The following NT5DC1 variants were observed in gnomAD, a reference collection of about 807,000 sequenced individuals.
The protein encoded by NT5DC1 is 5'-nucleotidase domain-containing protein 1.
Under a neutral mutation model 59.4 loss-of-function variants are expected in NT5DC1, and 42 were observed. The ratio of observed to expected loss-of-function variants is 0.71; its 90% CI spans 0.55 to 0.92. The LOEUF is 0.92. Among genes scored for constraint, NT5DC1 ranks in the 40% least tolerant of loss-of-function variants. The pLI, the probability that NT5DC1 is intolerant of heterozygous loss-of-function variation, is 0.00. For missense variants in NT5DC1, 501 were observed against 537.1 expected (o/e 0.93, Z 0.66); for synonymous variants, 172 against 188.1 (o/e 0.91, Z 0.70).
intron 2 of NT5DC1, 53 bp downstream of exon 2, chr6:116,106,388 A>G (rs1414001330): frequency 1.3e-6 from 1 of 791,444 alleles, no homozygotes; most frequent in Non-Finnish European, 2.1e-6. Context: ...CTGTGGTTCT[A>G]ATTGTTACTG....
chr6:116,143,402 C>T (rs1050618838), intron 6 of NT5DC1, among the ~76,000 whole-genome samples: 3 of 152,040 alleles, frequency 2.0e-5, no homozygotes, highest in East Asian at 1.9e-4. Flanking sequence ...TTAGTAGAGA[C>T]GGTGTTTCAC....
At position 116,119,888 on chromosome 6, in the gene NT5DC1, A is replaced by C. The variant is rs986876434; in HGVS notation, c.529+1943A>C. 1.1e-5 allele frequency: 7 copies of C among 615,520 alleles called. No homozygotes were observed. Among genetic ancestry groups the C allele is most frequent in the Non-Finnish European group, 2.0e-5 (7 of 350,634 alleles). 38.1% of individuals were successfully genotyped at this position (615,520 alleles called of 1,614,324 possible). ...TAACTAGAAATTCAAGAGAGGCTTCACATACGTTTTTACGTTGCTGCTCAC... is the reference window on the plus strand; with the variant it reads ...TAACTAGAAATTCAAGAGAGGCTTCCCATACGTTTTTACGTTGCTGCTCAC... On this transcript the variant is annotated intron_variant, in intron 6 of 11. Transcript: ENST00000319550.
chr6:116,172,962 A>G (rs1028194405), intron 6 of NT5DC1, among the ~76,000 whole-genome samples: 1 of 152,148 alleles, frequency 6.6e-6, no homozygotes, highest in Non-Finnish European at 1.5e-5. Flanking sequence ...ATAAAATTAT[A>G]TTTATATCTT....
chr6:116,113,104 G>T (rs1778910899), intron 4 of NT5DC1, among the ~76,000 whole-genome samples: 1 of 152,206 alleles, frequency 6.6e-6, no homozygotes, highest in Admixed American at 6.5e-5. Flanking sequence ...CCAAATGGTA[G>T]ATTATGCAGA....
intron 2 of NT5DC1, among the ~76,000 whole-genome samples, chr6:116,106,759 A>G (rs1778775451): frequency 6.6e-6 from 1 of 152,202 alleles, no homozygotes; most frequent in African/African-American, 2.4e-5. Flanking sequence ...CTTTTCTGTC[A>G]TTTAGTTCGA....
chr6:116,117,821 T>C (rs1308232085), intron 5 of NT5DC1, 40 bp from the exon 6 acceptor site: 1 of 1,177,742 alleles, frequency 8.5e-7, no homozygotes, highest in African/African-American at 1.5e-5. Context: ...GCTTAAAAAC[T>C]GAATTATTGT....
intron 8 of NT5DC1, among the ~76,000 whole-genome samples, chr6:116,228,896 C>T (rs1781957223): frequency 6.6e-6 from 1 of 152,104 alleles, no homozygotes; most frequent in African/African-American, 2.4e-5. Flanking sequence ...CTCCTGTTGT[C>T]CTTCAGCTCT....
chr6:116,144,243 C>T (rs1440139291), intron 6 of NT5DC1, among the ~76,000 whole-genome samples: 1 of 152,166 alleles, frequency 6.6e-6, no homozygotes, highest in Non-Finnish European at 1.5e-5. Flanking sequence ...GTGGCTCACG[C>T]CTGTATCCCA....
intron 1 of NT5DC1, among the ~76,000 whole-genome samples, chr6:116,105,005 A>G (rs1215269432): frequency 6.6e-6 from 1 of 152,148 alleles, no homozygotes; most frequent in Non-Finnish European, 1.5e-5. Context: ...AGGGTTAAGA[A>G]CTGTTGATAT....
intron 6 of NT5DC1, among the ~76,000 whole-genome samples, chr6:116,130,050 A>G (rs73564686): frequency 0.046 from 7,050 of 152,202 alleles, 512 homozygotes; most frequent in African/African-American, 0.15. Flanking sequence ...GGACATTGGT[A>G]ATTGCCTACA....
At chr6:116,170,565 C>G (rs1021147789) in intron 6 of NT5DC1, among the ~76,000 whole-genome samples, 1 of 152,092 alleles carries the variant, frequency 6.6e-6, no homozygotes, top group South Asian at 2.1e-4. Context: ...ATCAGTGCAC[C>G]TTAGCTGTTG....
At position 116,136,210 on chromosome 6, in the gene NT5DC1, T is replaced by G. The variant is rs75310065; in HGVS notation, c.529+18265T>G. Among the ~76,000 whole-genome samples the G allele has an allele frequency of 2.3e-3, 345 of 152,266 alleles. 2 individuals are homozygous for G. Among genetic ancestry groups the G allele is most frequent in the African/African-American group, 8.2e-3 (340 of 41,560 alleles). On this transcript the variant is annotated intron_variant, in intron 6 of 11. Coordinates refer to ENST00000319550, the MANE Select transcript of NT5DC1 (RefSeq NM_152729.3). The stretch of plus-strand genomic sequence containing the variant: ...AGTATTTGTCCTTCTGTGTCTGGTG[T>G]ATTTCACTTAGCATATTGTGTTCTA...
chr6:116,163,141 A>AATAT lies in NT5DC1; in HGVS notation c.529+45215_529+45218dup, dbSNP rs1554197063. Among the ~76,000 whole-genome samples, 72 of 88,344 alleles carry AATAT rather than the reference A, an allele frequency of 8.1e-4. 1 individual carries two copies. The highest frequency in any genetic ancestry group is 1.5e-3 in the East Asian group (5 of 3,372). 58.0% of individuals were successfully genotyped at this position (88,344 alleles called of 152,430 possible). A position where few individuals can be genotyped will look rare whatever the true frequency, so the allele number is the denominator to read the frequency against. On this transcript the variant is annotated intron_variant, in intron 6 of 11. Coordinates refer to ENST00000319550, the MANE Select transcript of NT5DC1 (RefSeq NM_152729.3). ...GACTCCGTCTCAAAAAAAAAAAAAA[A>AATAT]ATATATATATATATATATATATTAG... is the stretch of plus-strand genomic sequence containing the variant.
At chr6:116,199,964 A>G (rs377571222) in intron 6 of NT5DC1, among the ~76,000 whole-genome samples, 1 of 146,082 alleles carries the variant, frequency 6.8e-6, no homozygotes. Context: ...TAGCCTGTGC[A>G]TTGTACTTCC....
intron 6 of NT5DC1, among the ~76,000 whole-genome samples, chr6:116,156,890 T>G (rs562051967): frequency 2.0e-5 from 3 of 152,248 alleles, no homozygotes; most frequent in Admixed American, 2.0e-4. Flanking sequence ...CCCCTTTTGT[T>G]CTCCTCAGGA....
chr6:116,168,131 T>C (rs1780518188), intron 6 of NT5DC1, among the ~76,000 whole-genome samples: 1 of 151,320 alleles, frequency 6.6e-6, no homozygotes, highest in Non-Finnish European at 1.5e-5. Context: ...TTCTCAGATA[T>C]TCACTTAACA....
intron 6 of NT5DC1, chr6:116,119,799 T>G: frequency 2.9e-6 from 1 of 350,046 alleles, no homozygotes. Context: ...GTTTTTAACA[T>G]AGCAGGACTT....
At position 116,180,435 on chromosome 6, in the gene NT5DC1, G is replaced by T. The variant is rs374273653; in HGVS notation, c.530-40619G>T. 2.0e-5 allele frequency among the ~76,000 whole-genome samples: 3 copies of T among 152,118 alleles called. No individual in the cohort carries two copies. The East Asian group carries it at 5.8e-4, about 29-fold the overall frequency. On this transcript the variant is annotated intron_variant, in intron 6 of 11. Coordinates refer to ENST00000319550, the MANE Select transcript of NT5DC1 (RefSeq NM_152729.3). ...TATGTCACACTTTATAATCCCTAATGAAATAATGGACCTAGGTAGTGATCA... is the reference window on the plus strand; with the variant it reads ...TATGTCACACTTTATAATCCCTAATTAAATAATGGACCTAGGTAGTGATCA...
chr6:116,134,385 T>A (rs11968086), intron 6 of NT5DC1, among the ~76,000 whole-genome samples: 32,316 of 152,116 alleles, frequency 0.21, 3,623 homozygotes, highest in South Asian at 0.28. Context: ...TTCCAAATCA[T>A]GAAATGGTGT....
Sources: allele counts gnomAD v4.1 joint callset (sites outside exome capture counted in the v4.1 genomes callset), GRCh38; gene constraint gnomAD v4.1.1; transcripts MANE v1.5; gene names NCBI Gene and HGNC (gene_info 2026-07-23, HGNC 2026-07-21).